FNIP2: variants seen among roughly 807,000 people sequenced by gnomAD.
The protein encoded by FNIP2 is folliculin-interacting protein 2.
FNIP2 carries 32 observed loss-of-function variants against 108.7 expected under a neutral mutation model. The observed-to-expected ratio is 0.29, with a 90% CI of 0.22 to 0.40. FNIP2 has a LOEUF of 0.40. FNIP2 is among the 10% of genes least tolerant of loss of function. FNIP2 has a pLI of 1.00. For synonymous variants in FNIP2, 480 were observed against 496.7 expected, an observed-to-expected ratio of 0.97 and a Z score of 0.45; for missense variants, 1,202 against 1,381.6, an observed-to-expected ratio of 0.87 and a Z score of 2.06.
intron 7 of FNIP2, among the ~76,000 whole-genome samples, chr4:158,843,973 G>T (rs1413928951): frequency 1.3e-5 from 2 of 152,180 alleles, no homozygotes; most frequent in African/African-American, 4.8e-5. Flanking sequence ...AAGTCTGAGG[G>T]TGCTGCCTGT....
At position 158,868,420 on chromosome 4, in the gene FNIP2, C is replaced by T. The variant is rs556412438; in HGVS notation, c.1784C>T (p.Pro595Leu). The change falls in exon 13 of 17, where the codon CCG becomes CTG. Residue 595 changes from proline (P) to leucine (L), a missense_variant. By Grantham distance (98) the Pro-to-Leu change is moderately conservative. This residue lies in a region of FNIP2 where 878 missense variants were observed against 990.3 expected (regional missense o/e 0.89). Coordinates refer to ENST00000264433, the MANE Select transcript of FNIP2 (RefSeq NM_020840.3). The surrounding 1 kb of genome is among the most constrained non-coding windows in gnomAD (Gnocchi z 4.6). Reference protein sequence around the residue: ...PTAAERHNPWPTGFPECPEGT... With the variant: ...PTAAERHNPWLTGFPECPEGT... ...GCAGCAGAGAGACACAACCCCTGGC[C>T]GACAGGGTTTCCTGAGTGCCCAGAG... 2.8e-5 allele frequency: 45 copies of T among 1,614,012 alleles called. No individual in the cohort carries two copies. The highest frequency in any genetic ancestry group is 2.7e-4 in the South Asian group (25 of 91,080).
At chr4:158,804,245 A>G (rs554472127) in intron 1 of FNIP2, among the ~76,000 whole-genome samples, 1 of 152,212 alleles carries the variant, frequency 6.6e-6, no homozygotes, top group East Asian at 1.9e-4. Context: ...CCTGGCCCAT[A>G]TCATAGTTTT....
chr4:158,827,830 G>A (rs900395729), intron 2 of FNIP2, among the ~76,000 whole-genome samples: 25 of 151,984 alleles, frequency 1.6e-4, no homozygotes, highest in African/African-American at 5.6e-4. Context: ...AGTCCCCACC[G>A]CCCCAGCCTC....
chr4:158,769,907 C>T (rs557316361), intron 1 of FNIP2, among the ~76,000 whole-genome samples: 1 of 152,214 alleles, frequency 6.6e-6, no homozygotes, highest in East Asian at 1.9e-4. Flanking sequence ...ATGAAATTTC[C>T]GAGATTTCAA....
At chr4:158,771,558 A>G (rs987703149) in intron 1 of FNIP2, among the ~76,000 whole-genome samples, 32 of 152,362 alleles carry the variant, frequency 2.1e-4, no homozygotes, top group African/African-American at 7.2e-4. Flanking sequence ...ACTACCTTGT[A>G]GTTAAATAGA....
At chr4:158,844,427 T>C (rs1779291274) in intron 7 of FNIP2, among the ~76,000 whole-genome samples, 1 of 152,254 alleles carries the variant, frequency 6.6e-6, no homozygotes, top group Non-Finnish European at 1.5e-5. Context: ...TGTTGGCATT[T>C]AAGTCTCAGT....
chr4:158,875,142 A>T (rs1781195353), intron 14 of FNIP2, among the ~76,000 whole-genome samples: 1 of 151,960 alleles, frequency 6.6e-6, no homozygotes, highest in Non-Finnish European at 1.5e-5. Flanking sequence ...TATGTACTTA[A>T]AGTTCTCCTA....
chr4:158,849,364 T>C (rs1383036081), intron 7 of FNIP2, among the ~76,000 whole-genome samples: 1 of 152,164 alleles, frequency 6.6e-6, no homozygotes, highest in Non-Finnish European at 1.5e-5. Flanking sequence ...TCCAGTGTCC[T>C]TTGGTTCAAA....
At chr4:158,836,397 C>T (rs564528486) in intron 7 of FNIP2, 7 of 152,290 alleles carry the variant, frequency 4.6e-5, no homozygotes, top group East Asian at 1.9e-4. Flanking sequence ...GTTTGGTTTA[C>T]ATATGTCACA....
intron 1 of FNIP2, among the ~76,000 whole-genome samples, chr4:158,801,213 G>A (rs1268076318): frequency 6.6e-6 from 1 of 152,170 alleles, no homozygotes; most frequent in Non-Finnish European, 1.5e-5. Flanking sequence ...AGGGGCCGGT[G>A]TGCTTGGCTT....
intron 14 of FNIP2, among the ~76,000 whole-genome samples, chr4:158,879,229 TAAAG>T (rs772435082): frequency 6.6e-6 from 1 of 150,478 alleles, no homozygotes; most frequent in Admixed American, 6.6e-5. Context: ...ACATCAAAGA[TAAAG>T]AAAACTCTTA....
rs116701999 is a variant in FNIP2 at position 158,814,519 on chromosome 4, G to T, written c.108-11397G>T. On this transcript the variant is annotated intron_variant, in intron 1 of 16. Transcript: ENST00000264433. ...CTACATGCAAACACCAGACCTTCTG[G>T]AATTGGTGTCTCTAGGCTCTGCATG... 3.9e-5 allele frequency among the ~76,000 whole-genome samples: 6 copies of T among 152,206 alleles called. No individual in the cohort carries two copies. In the East Asian group the frequency reaches 9.6e-4, roughly 24 times the overall value.
In FNIP2 at chr4:158,769,428, G is replaced by A. The variant is rs565319957; in HGVS notation, c.107+109G>A. ...GGAAGGGACTGTCCAGGACGGCGCT[G>A]CCTATCGCCGGCACCTGGTCCCGGG... is the stretch of plus-strand genomic sequence containing the variant. On this transcript the variant is annotated intron_variant, in intron 1 of 16. Coordinates refer to ENST00000264433, the MANE Select transcript of FNIP2 (RefSeq NM_020840.3). 108 of 631,872 alleles carry A rather than the reference G, an allele frequency of 1.7e-4. No homozygotes were observed. In the African/African-American group the frequency reaches 2.0e-3, roughly 12 times the overall value. 39.1% of individuals were successfully genotyped at this position (631,872 alleles called of 1,614,324 possible).
At chr4:158,889,721 C>G in intron 14 of FNIP2, 4 of 644,498 alleles carry the variant, frequency 6.2e-6, no homozygotes, top group Non-Finnish European at 7.7e-6. Flanking sequence ...CGTGGCATGA[C>G]CAGCATGTTG....
intron 1 of FNIP2, chr4:158,794,666 A>G (rs1399435865): frequency 1.3e-5 from 2 of 152,306 alleles, no homozygotes; most frequent in South Asian, 2.1e-4. Context: ...TTTCGTTCCA[A>G]TTTTAGTACA....
chr4:158,859,308 T>C, intron 9 of FNIP2, 50 bp downstream of exon 9: 1 of 1,526,516 alleles, frequency 6.6e-7, no homozygotes, highest in Non-Finnish European at 8.9e-7. Flanking sequence ...TGTGGGGCTT[T>C]GAAGATGGCA....
chr4:158,788,055 A>T (rs576613041), intron 1 of FNIP2, among the ~76,000 whole-genome samples: 1 of 152,312 alleles, frequency 6.6e-6, no homozygotes, highest in Non-Finnish European at 1.5e-5. Context: ...CTATCACTTA[A>T]TAGCTGTATG....
intron 14 of FNIP2, among the ~76,000 whole-genome samples, chr4:158,887,593 C>T: frequency 6.6e-6 from 1 of 151,906 alleles, no homozygotes; most frequent in East Asian, 1.9e-4. Context: ...AAAAAATTAG[C>T]TGGGTGTGGT....
chr4:158,844,697 C>T (rs1779303859), intron 7 of FNIP2, among the ~76,000 whole-genome samples: 1 of 152,294 alleles, frequency 6.6e-6, no homozygotes, highest in African/African-American at 2.4e-5. Flanking sequence ...AGTAAATATT[C>T]GTTGAGTGAA....
Sources: gnomAD v4.1 joint callset for allele counts (sites outside exome capture counted in the v4.1 genomes callset) on GRCh38, gnomAD v4.1.1 for gene constraint, gnomAD v4.1.1 regional missense constraint, Gnocchi (gnomAD v3.1) non-coding constraint, MANE v1.5 for transcripts, NCBI Gene and HGNC (gene_info 2026-07-23, HGNC 2026-07-21) for gene names.